Variants in CLUAP1 observed in about 807,000 individuals in gnomAD.
CLUAP1 encodes intraflagellar transport 38, also known as clusterin-associated protein 1.
Under a neutral mutation model 55.0 loss-of-function variants are expected in CLUAP1, and 50 were observed. That is an observed-to-expected ratio of 0.91 (90% CI 0.72 to 1.15). CLUAP1 has a LOEUF of 1.15. Ranked by LOEUF, CLUAP1 falls within the 50% of genes most tolerant of loss-of-function variation. The probability of loss-of-function intolerance (pLI) is 0.00; values close to 1 mark genes in which losing one functional copy is unlikely to be tolerated. For missense variants in CLUAP1, 530 were observed against 507.6 expected, an observed-to-expected ratio of 1.04 and a Z score of -0.42; for synonymous variants, 195 against 175.4, an observed-to-expected ratio of 1.11 and a Z score of -0.88.
At chr16:3,526,660 A>G (rs1008307808) in intron 9 of CLUAP1, among the ~76,000 whole-genome samples, 176 bp downstream of exon 9, 2 of 152,116 alleles carry the variant, frequency 1.3e-5, no homozygotes, top group African/African-American at 4.8e-5. Flanking sequence ...TGAAAAGTAT[A>G]ATAAATTATT....
At chr16:3,519,071 A>T (rs908408760) in intron 6 of CLUAP1, among the ~76,000 whole-genome samples, 8 of 152,210 alleles carry the variant, frequency 5.3e-5, no homozygotes, top group Admixed American at 4.6e-4. Flanking sequence ...TGGAGCCTGA[A>T]CCCCAGGCAT....
chr16:3,510,507 A>G (rs1006170541), intron 4 of CLUAP1, among the ~76,000 whole-genome samples: 5 of 152,048 alleles, frequency 3.3e-5, no homozygotes, highest in Non-Finnish European at 5.9e-5. Context: ...GCATATTTTG[A>G]TGGTAGATCT....
At chr16:3,508,929 G>C (rs59081547) in intron 4 of CLUAP1, among the ~76,000 whole-genome samples, 1 of 145,690 alleles carries the variant, frequency 6.9e-6, no homozygotes, top group Non-Finnish European at 1.5e-5. Flanking sequence ...TGAGTTGTGC[G>C]GGTGGCGGGT....
In CLUAP1 at chr16:3,512,359, CTGTTTT is replaced by C; in HGVS notation, c.400-19_400-14del. 1 of 1,580,028 alleles carries C rather than the reference CTGTTTT, an allele frequency of 6.3e-7. No homozygotes were observed. ...TAAAAAACATCTGTTGCTGAGGTTT[CTGTTTT>C]TGTTATTTTCCTTCCAGATTGCAGA... On this transcript the variant is annotated intron_variant, in intron 4 of 11. Coordinates refer to ENST00000576634, the MANE Select transcript of CLUAP1 (RefSeq NM_015041.3).
At chr16:3,516,362 G>A (rs6501178) in intron 6 of CLUAP1, among the ~76,000 whole-genome samples, 64,768 of 152,068 alleles carry the variant, frequency 0.43, 17,061 homozygotes, top group African/African-American at 0.75. Flanking sequence ...TTAAAAATAT[G>A]TAATTCTTTT....
Position 3,512,409 on chromosome 16 carries a change from G to A in CLUAP1, c.426G>A (p.Gln142=). 1.2e-6 allele frequency: 2 copies of A among 1,614,062 alleles called. No homozygotes were observed. Among genetic ancestry groups the A allele is most frequent in the South Asian group, 1.1e-5 (1 of 91,082 alleles). The change falls in exon 5 of 12, where the codon CAG becomes CAA. Residue 142 remains glutamine (Q), a synonymous_variant. Transcript: ENST00000576634. ...TTGCAGATTTGAAGGCAGCCAGGCA[G>A]CTTGCGTCTGAAATCACCTCCAAAG... ...SKIADLKAAR[Q]LASEITSKGA... is the part of the protein sequence containing the mutation.
At chr16:3,532,265 C>G (rs1176596648) in intron 10 of CLUAP1, among the ~76,000 whole-genome samples, 2 of 152,124 alleles carry the variant, frequency 1.3e-5, no homozygotes, top group African/African-American at 4.8e-5. Context: ...GTCTGCATAT[C>G]TTTAGGTTGC....
chr16:3,528,889 A>T (rs1439431534), intron 9 of CLUAP1, among the ~76,000 whole-genome samples: 1 of 152,128 alleles, frequency 6.6e-6, no homozygotes, highest in East Asian at 1.9e-4. Flanking sequence ...TCAGCCATTA[A>T]TTTTAATTGT....
intron 4 of CLUAP1, chr16:3,509,993 A>ATT (rs1410596895): frequency 4.2e-5 from 5 of 120,004 alleles, no homozygotes; most frequent in Non-Finnish European, 7.1e-5. Flanking sequence ...TGCCCAGCTA[A>ATT]TTTTTTTTTT....
chr16:3,511,154 G>A (rs2037617812), intron 4 of CLUAP1, among the ~76,000 whole-genome samples: 2 of 152,210 alleles, frequency 1.3e-5, no homozygotes, highest in South Asian at 2.1e-4. Context: ...GAGGACTAAG[G>A]AAGAGGGAAG....
At chr16:3,511,862 A>G (rs2037632482) in intron 4 of CLUAP1, among the ~76,000 whole-genome samples, 1 of 152,176 alleles carries the variant, frequency 6.6e-6, no homozygotes, top group African/African-American at 2.4e-5. Flanking sequence ...AGGAGCTGAC[A>G]TGAACAGGCT....
rs1370929807 is a variant in CLUAP1, at chr16:3,533,130, G to A, written c.1092+289G>A. On this transcript the variant is annotated intron_variant, in intron 11 of 11. Coordinates refer to ENST00000576634, the MANE Select transcript of CLUAP1 (RefSeq NM_015041.3). ...GCAGCACCAGCTCTCTTAGGTAAAT[G>A]CAAGACTTCCAGCTCCAAGAAGCAG... 14 of 1,535,990 alleles carry A rather than the reference G, an allele frequency of 9.1e-6. No homozygotes were observed. The African/African-American group carries it at 1.9e-4, about 21-fold the overall frequency.
upstream of CLUAP1, among the ~76,000 whole-genome samples, chr16:3,499,203 G>C (rs2037342722): frequency 1.3e-5 from 2 of 152,190 alleles, no homozygotes. Context: ...AAATTAGCTG[G>C]GCGCGGTGGC....
At chr16:3,532,069 C>T (rs1200223770) in intron 10 of CLUAP1, among the ~76,000 whole-genome samples, 1 of 152,046 alleles carries the variant, frequency 6.6e-6, no homozygotes, top group Non-Finnish European at 1.5e-5. Flanking sequence ...GAACTCCCAA[C>T]CTCAGGTGAT....
chr16:3,513,214 C>T (rs1301310844), intron 5 of CLUAP1, among the ~76,000 whole-genome samples: 1 of 152,150 alleles, frequency 6.6e-6, no homozygotes, highest in Non-Finnish European at 1.5e-5. Flanking sequence ...ACTCTGGGGT[C>T]CTTGTTATGG....
intron 5 of CLUAP1, 105 bp downstream of exon 5, chr16:3,512,583 G>A: frequency 3.5e-6 from 3 of 849,318 alleles, no homozygotes; most frequent in East Asian, 2.6e-5. Context: ...AATACACCTG[G>A]TTGAATGAGC....
intron 11 of CLUAP1, chr16:3,533,071 C>G (rs1567443096): frequency 1.3e-6 from 2 of 1,534,228 alleles, no homozygotes; most frequent in South Asian, 1.2e-5. Flanking sequence ...TGCCTTCTCA[C>G]TGTTCTTTCC....
chr16:3,511,577 G>GTT (rs2037625680), intron 4 of CLUAP1, among the ~76,000 whole-genome samples: 1 of 152,200 alleles, frequency 6.6e-6, no homozygotes, highest in Admixed American at 6.5e-5. Context: ...GAGGATGTGT[G>GTT]TCCCTCAGGC....
chr16:3,512,228 G>T (rs929676092), intron 4 of CLUAP1, among the ~76,000 whole-genome samples, 155 bp from the exon 5 acceptor site: 1 of 152,048 alleles, frequency 6.6e-6, no homozygotes, highest in Non-Finnish European at 1.5e-5. Context: ...TGAACATGGT[G>T]GTTCTGCCTA....
Sources: allele counts gnomAD v4.1 joint callset (sites outside exome capture counted in the v4.1 genomes callset), GRCh38; gene constraint gnomAD v4.1.1; transcripts MANE v1.5; gene names NCBI Gene and HGNC (gene_info 2026-07-23, HGNC 2026-07-21).